LRP1B: variants seen among roughly 807,000 people sequenced by gnomAD.
LRP1B encodes low-density lipoprotein receptor-related protein 1B.
In LRP1B, 217 loss-of-function variants were observed where a neutral mutation model predicts 556.6. That is an observed-to-expected ratio of 0.39 (90% CI 0.35 to 0.44). The LOEUF is 0.44. Among genes scored for constraint, LRP1B ranks in the 20% least tolerant of loss-of-function variants. The probability of loss-of-function intolerance (pLI) is 1.00; values close to 1 mark genes in which losing one functional copy is unlikely to be tolerated. For synonymous variants in LRP1B, 2,047 were observed against 1,865.8 expected (o/e 1.10, Z -2.50); for missense variants, 5,053 against 5,620.8 (o/e 0.90, Z 3.23).
intron 57 of LRP1B, 27 bp downstream of exon 57, chr2:140,492,581 T>TA: frequency 6.6e-7 from 1 of 1,525,324 alleles, no homozygotes; most frequent in Non-Finnish European, 9.1e-7. Context: ...TGTTAAATGT[T>TA]ACGGTGTCAT....
rs114224202 is a variant in LRP1B, at chr2:141,115,258, T to C, written c.1014-52985A>G. On this transcript the variant is annotated intron_variant, in intron 7 of 90. Transcript: ENST00000389484. ...TCCTCTCCTTCATCATTCCAGACTG[T>C]TCTTACTACATAGTCCAAGAGTAGG... 5.1e-3 allele frequency among the ~76,000 whole-genome samples: 780 copies of C among 152,172 alleles called. 12 individuals are homozygous for C. Among genetic ancestry groups the C allele is most frequent in the African/African-American group, 0.018 (743 of 41,528 alleles).
intron 12 of LRP1B, among the ~76,000 whole-genome samples, chr2:141,017,373 A>T: frequency 6.7e-6 from 1 of 148,454 alleles, no homozygotes. Flanking sequence ...TTAATATTGC[A>T]GTTATCTTAC....
At chr2:140,860,649 C>T (rs1692759268) in intron 27 of LRP1B, among the ~76,000 whole-genome samples, 1 of 151,516 alleles carries the variant, frequency 6.6e-6, no homozygotes, top group Non-Finnish European at 1.5e-5. Context: ...ATTAAAATAA[C>T]AATCACATTC....
intron 43 of LRP1B, among the ~76,000 whole-genome samples, chr2:140,588,814 C>T (rs1682096231): frequency 7.0e-6 from 1 of 142,292 alleles, no homozygotes. Flanking sequence ...AAAAAATCAG[C>T]CGGGTGTGGT....
At chr2:140,646,440 G>T (rs1204773065) in intron 41 of LRP1B, among the ~76,000 whole-genome samples, 6 of 152,148 alleles carry the variant, frequency 3.9e-5, no homozygotes, top group Non-Finnish European at 8.8e-5. Context: ...TATTAACTTA[G>T]TGGGTGAAAA....
At chr2:140,913,975 G>A (rs1003077335) in intron 21 of LRP1B, among the ~76,000 whole-genome samples, 3 of 152,042 alleles carry the variant, frequency 2.0e-5, no homozygotes, top group African/African-American at 4.8e-5. Context: ...AATGGGACCT[G>A]TTCAAAAAGC....
At position 141,755,584 on chromosome 2, in the gene LRP1B, T is replaced by G. The variant is rs1330770308; in HGVS notation, c.205+54695A>C. The stretch of plus-strand genomic sequence containing the variant: ...AAGAGGTCACGAGGTAAAAACCTTT[T>G]GGAGGGCAACAAGTCAGCAATATGT... On this transcript the variant is annotated intron_variant, in intron 2 of 90. Transcript: ENST00000389484. 2.0e-5 allele frequency among the ~76,000 whole-genome samples: 3 copies of G among 152,050 alleles called. No individual in the cohort carries two copies. The East Asian group carries it at 5.8e-4, about 29-fold the overall frequency.
chr2:140,501,318 C>A (rs1390029899), intron 55 of LRP1B, among the ~76,000 whole-genome samples: 1 of 151,848 alleles, frequency 6.6e-6, no homozygotes, highest in Admixed American at 6.6e-5. Context: ...ATGATTAGCC[C>A]ATTCCACTTC....
At chr2:140,424,307 C>T (rs1401849184) in intron 66 of LRP1B, among the ~76,000 whole-genome samples, 4 of 152,124 alleles carry the variant, frequency 2.6e-5, no homozygotes, top group Non-Finnish European at 5.9e-5. Flanking sequence ...TCTCAAATTT[C>T]AAAGGAGAGT....
intron 3 of LRP1B, among the ~76,000 whole-genome samples, chr2:141,373,465 T>G (rs1056272760): frequency 6.6e-6 from 1 of 152,132 alleles, no homozygotes; most frequent in Admixed American, 6.5e-5. Flanking sequence ...ATTATTGTAT[T>G]GCTGTCTATC....
intron 1 of LRP1B, among the ~76,000 whole-genome samples, chr2:141,838,369 T>C (rs544514310): frequency 2.0e-4 from 31 of 152,180 alleles, no homozygotes; most frequent in Non-Finnish European, 4.1e-4. Flanking sequence ...ATTGATGTCA[T>C]TGATTTCCTT....
intron 66 of LRP1B, among the ~76,000 whole-genome samples, chr2:140,426,704 C>T (rs1382713885): frequency 2.6e-5 from 4 of 152,310 alleles, no homozygotes; most frequent in African/African-American, 9.6e-5. Flanking sequence ...CCTTCGCTGA[C>T]TCTTTTCGGA....
intron 2 of LRP1B, among the ~76,000 whole-genome samples, chr2:141,728,225 T>G (rs1283373908): frequency 6.6e-6 from 1 of 152,118 alleles, no homozygotes; most frequent in Non-Finnish European, 1.5e-5. Flanking sequence ...TGCATAGTAT[T>G]CTGTTCAAGT....
At chr2:141,386,247 C>A (rs936274437) in intron 3 of LRP1B, among the ~76,000 whole-genome samples, 33 of 152,088 alleles carry the variant, frequency 2.2e-4, no homozygotes, top group Non-Finnish European at 4.4e-4. Flanking sequence ...TTTAAAATCC[C>A]CCCCAAAAAT....
Position 141,013,552 on chromosome 2 carries a change from A to G in LRP1B, c.2380+4T>C. 6.3e-7 allele frequency: 1 copy of G among 1,598,218 alleles called. No individual in the cohort carries two copies. On this transcript the variant is annotated splice_donor_region_variant and intron_variant, in intron 14 of 90. Coordinates refer to ENST00000389484, the MANE Select transcript of LRP1B (RefSeq NM_018557.3). The stretch of plus-strand genomic sequence containing the variant: ...CAGAAGCATTTTAATTTGTTTTTTA[A>G]TACCTTGTTGCTTTCGTGGATCATA...
intron 31 of LRP1B, among the ~76,000 whole-genome samples, chr2:140,834,051 G>A (rs1023246647): frequency 7.9e-5 from 12 of 152,092 alleles, no homozygotes; most frequent in African/African-American, 2.7e-4. Flanking sequence ...CAACTCTTCA[G>A]CAAGAAAAGC....
chr2:140,577,596 A>T (rs1396874470), intron 43 of LRP1B, among the ~76,000 whole-genome samples: 1 of 151,578 alleles, frequency 6.6e-6, no homozygotes, highest in African/African-American at 2.4e-5. Context: ...TATTTTTTTC[A>T]GTTTTGCAGA....
chr2:141,027,812 C>A (rs934479885), intron 11 of LRP1B, among the ~76,000 whole-genome samples: 2 of 151,974 alleles, frequency 1.3e-5, no homozygotes, highest in Admixed American at 6.6e-5. Flanking sequence ...GAAGTTAGTG[C>A]CCTTATAAGA....
intron 43 of LRP1B, among the ~76,000 whole-genome samples, chr2:140,569,202 G>T (rs1052787608): frequency 1.8e-4 from 28 of 151,914 alleles, no homozygotes; most frequent in African/African-American, 6.5e-4. Flanking sequence ...AAAACAACAG[G>T]AGTATATCCT....
Sources: gnomAD v4.1 joint callset for allele counts (sites outside exome capture counted in the v4.1 genomes callset) on GRCh38, gnomAD v4.1.1 for gene constraint, MANE v1.5 for transcripts, NCBI Gene and HGNC (gene_info 2026-07-23, HGNC 2026-07-21) for gene names.